ZHX2: variants seen among roughly 807,000 people sequenced by gnomAD.
ZHX2 encodes the protein zinc fingers and homeoboxes 2.
In ZHX2, 6 loss-of-function variants were observed where a neutral mutation model predicts 21.9. That is an observed-to-expected ratio of 0.27 (90% CI 0.15 to 0.54). ZHX2 has a LOEUF of 0.54. Among genes scored for constraint, ZHX2 ranks in the 20% least tolerant of loss-of-function variants. The pLI, the probability that ZHX2 is intolerant of heterozygous loss-of-function variation, is 0.95. For synonymous variants in ZHX2, 434 were observed against 437.1 expected (o/e 0.99, Z 0.09); for missense variants, 908 against 1,090.7 (o/e 0.83, Z 2.36).
At chr8:122,800,146 G>T (rs541076091) in intron 1 of ZHX2, among the ~76,000 whole-genome samples, 1 of 152,186 alleles carries the variant, frequency 6.6e-6, no homozygotes, top group Non-Finnish European at 1.5e-5. Context: ...GTGAGCCACC[G>T]CGCCTGGCCT....
In ZHX2 at chr8:122,782,727, C is replaced by T. The variant is rs1033711621; in HGVS notation, c.-283+781C>T. 6.6e-6 allele frequency among the ~76,000 whole-genome samples: 1 copy of T among 151,950 alleles called. No homozygotes were observed. The highest frequency in any genetic ancestry group is 1.5e-5 in the Non-Finnish European group (1 of 67,940). On this transcript the variant is annotated intron_variant, in intron 1 of 3. Coordinates refer to ENST00000314393, the MANE Select transcript of ZHX2 (RefSeq NM_014943.5). This position sits in a 1 kb window ranked among gnomAD's most constrained non-coding sequence, Gnocchi z 5.3. ...CGCTCAGGTGCAGGGGGAGTCCGCG[C>T]GGGGCGGGGGGCCGAGGGCGGCCGC...
intron 2 of ZHX2, among the ~76,000 whole-genome samples, chr8:122,889,460 G>C (rs989082271): frequency 6.6e-6 from 1 of 152,116 alleles, no homozygotes; most frequent in African/African-American, 2.4e-5. Flanking sequence ...GTTTCGATTT[G>C]CATTTCCCTA....
intron 1 of ZHX2, among the ~76,000 whole-genome samples, chr8:122,820,311 C>G (rs551179816): frequency 1.5e-4 from 23 of 152,312 alleles, no homozygotes; most frequent in African/African-American, 5.3e-4. Context: ...ACTGGCCAGG[C>G]TGCCTTGGGC....
chr8:122,807,613 G>A (rs1817849487), intron 1 of ZHX2: 1 of 152,244 alleles, frequency 6.6e-6, no homozygotes, highest in Non-Finnish European at 1.5e-5. Flanking sequence ...AGACTGTGGT[G>A]GGTGGTGAGC....
At chr8:122,860,846 A>G (rs1819148311) in intron 1 of ZHX2, among the ~76,000 whole-genome samples, 1 of 152,082 alleles carries the variant, frequency 6.6e-6, no homozygotes, top group African/African-American at 2.4e-5. Flanking sequence ...CATCCTGGTC[A>G]ACATGGTGAA....
intron 2 of ZHX2, among the ~76,000 whole-genome samples, chr8:122,924,239 A>G (rs961909457): frequency 1.2e-4 from 18 of 151,956 alleles, no homozygotes; most frequent in Non-Finnish European, 8.8e-5. Flanking sequence ...TCTGTTCCAG[A>G]CCCATCTCCT....
chr8:122,908,996 G>A (rs1820413507), intron 2 of ZHX2, among the ~76,000 whole-genome samples: 1 of 152,118 alleles, frequency 6.6e-6, no homozygotes, highest in Non-Finnish European at 1.5e-5. Context: ...GTTCTAACTT[G>A]TTCTATAATT....
At chr8:122,855,443 C>G (rs1052783133) in intron 1 of ZHX2, among the ~76,000 whole-genome samples, 2 of 152,112 alleles carry the variant, frequency 1.3e-5, no homozygotes, top group East Asian at 1.9e-4. Flanking sequence ...TCAGAGTGTG[C>G]CCCTAGCTAC....
At chr8:122,957,458 A>ATTGTTTTGTTTTGTT (rs34465971) in intron 3 of ZHX2, among the ~76,000 whole-genome samples, 8 of 149,960 alleles carry the variant, frequency 5.3e-5, no homozygotes, top group Admixed American at 5.3e-4. Flanking sequence ...TTGGAGGTCC[A>ATTGTTTTGTTTTGTT]TTGTTTTGTT....
intron 2 of ZHX2, among the ~76,000 whole-genome samples, chr8:122,903,088 G>A (rs553501685): frequency 1.3e-5 from 2 of 152,272 alleles, no homozygotes; most frequent in African/African-American, 2.4e-5. Flanking sequence ...TCCTAGCTGG[G>A]TGACTGCTTC....
rs764986327 is a variant in ZHX2, at chr8:122,952,617, G to C, written c.1107G>C (p.Gln369His). The change falls in exon 3 of 4, where the codon CAG becomes CAC. Residue 369 changes from glutamine to histidine, a missense_variant. Gln to His is a conservative substitution (Grantham distance 24). Around this residue, in one of 4 missense-constraint regions of ZHX2, gnomAD observed 232 missense variants for 361.8 expected, o/e 0.64. Coordinates refer to ENST00000314393, the MANE Select transcript of ZHX2 (RefSeq NM_014943.5). The surrounding 1 kb of genome is among the most constrained non-coding windows in gnomAD (Gnocchi z 6.9). The stretch of plus-strand genomic sequence containing the variant: ...TCCTCCAGACGGCTCTACCGTGCCA[G>C]ATCCTCGGCCAGACTAGCCTGGTGC... Reference protein sequence around the residue: ...QPILQTALPCQILGQTSLVLT... With the variant: ...QPILQTALPCHILGQTSLVLT... 6.2e-7 allele frequency: 1 copy of C among 1,614,090 alleles called. No homozygotes were observed. Among genetic ancestry groups the C allele is most frequent in the African/African-American group, 1.3e-5 (1 of 74,938 alleles).
intron 1 of ZHX2, among the ~76,000 whole-genome samples, chr8:122,786,036 G>A (rs1817388429): frequency 6.6e-6 from 1 of 152,236 alleles, no homozygotes; most frequent in Non-Finnish European, 1.5e-5. Context: ...TCAGGGCAAA[G>A]AGAAGACCAT....
chr8:122,898,485 T>G (rs1177987180), intron 2 of ZHX2, among the ~76,000 whole-genome samples: 1 of 152,156 alleles, frequency 6.6e-6, no homozygotes, highest in Non-Finnish European at 1.5e-5. Flanking sequence ...AGGAGTGAAG[T>G]TTGCATGCCT....
rs77677890 is a variant in ZHX2, at chr8:122,909,714, T to A, written c.-219-41578T>A. Among the ~76,000 whole-genome samples the A allele has an allele frequency of 1.7e-4, 26 of 151,830 alleles. No homozygotes were observed. In the East Asian group the frequency reaches 4.9e-3, roughly 29 times the overall value. On this transcript the variant is annotated intron_variant, in intron 2 of 3. Coordinates refer to ENST00000314393, the MANE Select transcript of ZHX2 (RefSeq NM_014943.5). ...TCCACATTCACTCCAGCCTCCGGAG[T>A]GATCCTGATCTTCTGCACTCCATCC...
chr8:122,852,841 C>T (rs1235697077), intron 1 of ZHX2, among the ~76,000 whole-genome samples: 5 of 152,048 alleles, frequency 3.3e-5, no homozygotes, highest in African/African-American at 1.2e-4. Context: ...TTTCTTGCCT[C>T]GGTGGTTTGT....
intron 2 of ZHX2, among the ~76,000 whole-genome samples, chr8:122,896,197 G>C (rs1465235207): frequency 6.6e-6 from 1 of 151,386 alleles, no homozygotes; most frequent in Non-Finnish European, 1.5e-5. Context: ...GCTGACTCTA[G>C]ACCTTCCTAT....
At chr8:122,948,081 T>A (rs762744890) in intron 2 of ZHX2, among the ~76,000 whole-genome samples, 13 of 152,178 alleles carry the variant, frequency 8.5e-5, no homozygotes, top group Non-Finnish European at 1.9e-4. Context: ...GGGGCCAGGT[T>A]CTGGGTTCAC....
In ZHX2 at chr8:122,952,749, A is replaced by G; in HGVS notation, c.1239A>G (p.Gln413=). The change falls in exon 3 of 4, where the codon CAA becomes CAG. Residue 413 remains glutamine (Q), a synonymous_variant. Coordinates refer to ENST00000314393, the MANE Select transcript of ZHX2 (RefSeq NM_014943.5). This position sits in a 1 kb window ranked among gnomAD's most constrained non-coding sequence, Gnocchi z 6.9. The stretch of plus-strand genomic sequence containing the variant: ...AGAAGAGACCCTTGGTGACTCCCCA[A>G]GCTGCCCCCGAACCCAAGCGTCCAC... ...HGQKRPLVTP[Q]AAPEPKRPHI... 2.5e-6 allele frequency: 4 copies of G among 1,614,082 alleles called. No individual in the cohort carries two copies. The highest frequency in any genetic ancestry group is 1.3e-5 in the African/African-American group (1 of 75,034).
intron 1 of ZHX2, among the ~76,000 whole-genome samples, chr8:122,824,668 C>G (rs1267750618): frequency 6.6e-6 from 1 of 152,172 alleles, no homozygotes; most frequent in Non-Finnish European, 1.5e-5. Context: ...CCTGGGTCCC[C>G]CATCTCTTGG....
Sources: gnomAD v4.1 joint callset for allele counts (sites outside exome capture counted in the v4.1 genomes callset) on GRCh38, gnomAD v4.1.1 for gene constraint, gnomAD v4.1.1 regional missense constraint, Gnocchi (gnomAD v3.1) non-coding constraint, MANE v1.5 for transcripts, NCBI Gene and HGNC (gene_info 2026-07-23, HGNC 2026-07-21) for gene names.